XRRA1: variants seen among roughly 807,000 people sequenced by gnomAD.
XRRA1 encodes X-ray radiation resistance associated 1, also known as X-ray radiation resistance-associated protein 1.
XRRA1 carries 69 observed loss-of-function variants against 80.2 expected under a neutral mutation model. The ratio of observed to expected loss-of-function variants is 0.86; its 90% confidence interval spans 0.71 to 1.05. The LOEUF is 1.05. Among genes scored for constraint, XRRA1 ranks in the 50% least tolerant of loss-of-function variants. The pLI is 0.00. For synonymous variants in XRRA1, 348 were observed against 389.9 expected, an observed-to-expected ratio of 0.89 and a Z score of 1.27; for missense variants, 967 against 976.4, an observed-to-expected ratio of 0.99 and a Z score of 0.13.
At chr11:74,843,682 T>TA (rs1247694030) in intron 18 of XRRA1, 172 bp downstream of exon 18, 56 of 801,902 alleles carry the variant, frequency 7.0e-5, no homozygotes, top group Middle Eastern at 3.7e-4. Flanking sequence ...TGTGTGATTT[T>TA]AGGCAACTCC....
chr11:74,927,330 CTA>C, intron 7 of XRRA1, 59 bp downstream of exon 7: 2 of 821,700 alleles, frequency 2.4e-6, no homozygotes, highest in Non-Finnish European at 3.8e-6. Flanking sequence ...CAGTAAAGCT[CTA>C]TGCTCATTCC....
intron 10 of XRRA1, among the ~76,000 whole-genome samples, chr11:74,890,000 A>G (rs1430949820): frequency 1.3e-5 from 2 of 152,348 alleles, no homozygotes; most frequent in East Asian, 3.9e-4. Flanking sequence ...AATGAGACAG[A>G]AAGTTAACAA....
intron 10 of XRRA1, among the ~76,000 whole-genome samples, chr11:74,878,678 A>G (rs1382485079): frequency 1.3e-5 from 2 of 148,574 alleles, no homozygotes; most frequent in East Asian, 4.0e-4. Flanking sequence ...AGCTTTCTAC[A>G]TATGGCTAGC....
chr11:74,880,675 T>C (rs1212702119), intron 10 of XRRA1, among the ~76,000 whole-genome samples: 1 of 151,416 alleles, frequency 6.6e-6, no homozygotes, highest in African/African-American at 2.4e-5. Context: ...TTGTTCTCGT[T>C]GGTTTCAAAG....
intron 5 of XRRA1, 133 bp from the exon 6 acceptor site, chr11:74,930,505 G>A: frequency 1.5e-6 from 1 of 675,168 alleles, no homozygotes; most frequent in South Asian, 1.9e-5. Flanking sequence ...CCTAGCACAG[G>A]AGCAGACACT....
chr11:74,934,389 T>A (rs1440289083), intron 4 of XRRA1, among the ~76,000 whole-genome samples: 1 of 152,236 alleles, frequency 6.6e-6, no homozygotes, highest in East Asian at 1.9e-4. Flanking sequence ...CCACCATGTT[T>A]AGGCACTGAA....
rs774583553 is a variant in XRRA1 at position 74,906,467 on chromosome 11, G to A, written c.786-11C>T. Reference sequence around the variant, plus strand: ...CTTAACTTCTTCAGTCTTCAATTAAGGAAAGTGAATATAGAATCATAGCAA... The same window carrying A: ...CTTAACTTCTTCAGTCTTCAATTAAAGAAAGTGAATATAGAATCATAGCAA... On this transcript the variant is annotated splice_polypyrimidine_tract_variant and intron_variant, in intron 9 of 18. Coordinates refer to ENST00000684022, the MANE Select transcript of XRRA1 (RefSeq NM_001378157.1). The A allele has an allele frequency of 6.2e-7, 1 of 1,613,000 alleles. No homozygotes were observed. Among genetic ancestry groups the A allele is most frequent in the South Asian group, 1.1e-5 (1 of 90,958 alleles).
At chr11:74,848,879 G>A (rs1177897098) in intron 14 of XRRA1, among the ~76,000 whole-genome samples, 1 of 152,200 alleles carries the variant, frequency 6.6e-6, no homozygotes, top group Non-Finnish European at 1.5e-5. Flanking sequence ...GGTGCCTATG[G>A]CTTTCCCCAG....
At chr11:74,898,032 C>A (rs1335421307) in intron 10 of XRRA1, among the ~76,000 whole-genome samples, 1 of 151,916 alleles carries the variant, frequency 6.6e-6, no homozygotes, top group South Asian at 2.1e-4. Context: ...AATGATGAAC[C>A]AATAAAAAAT....
chr11:74,921,731 A>G (rs1373118753), intron 7 of XRRA1, among the ~76,000 whole-genome samples: 1 of 152,184 alleles, frequency 6.6e-6, no homozygotes, highest in Non-Finnish European at 1.5e-5. Context: ...AGACAGATGG[A>G]ATCTCTACCT....
intron 8 of XRRA1, among the ~76,000 whole-genome samples, chr11:74,918,037 T>C (rs926328288): frequency 6.6e-6 from 1 of 151,080 alleles, no homozygotes; most frequent in African/African-American, 2.4e-5. Context: ...AGAAGTTCCA[T>C]GTCTTTTAGT....
chr11:74,936,965 A>G lies in XRRA1; in HGVS notation c.198T>C (p.Ser66=). 1 of 1,613,836 alleles carries G rather than the reference A, an allele frequency of 6.2e-7. No individual in the cohort carries two copies. The highest frequency in any genetic ancestry group is 8.5e-7 in the Non-Finnish European group (1 of 1,179,858). ...ACTCTTTCTTCCCCTTGAACTCAAA[A>G]GAAGTCGCCTTCAGGCTTTCCCGAC... ...AERRESLKAT[S]FEFKGKKESR... Residue 66 remains serine (S), a synonymous_variant, in exon 4 of 19, where the codon TCT becomes TCC. Coordinates refer to ENST00000684022, the MANE Select transcript of XRRA1 (RefSeq NM_001378157.1).
chr11:74,878,586 T>C (rs1270750785), intron 10 of XRRA1, among the ~76,000 whole-genome samples: 54 of 152,044 alleles, frequency 3.6e-4, no homozygotes, highest in African/African-American at 1.1e-3. Context: ...CTAGGGTTTT[T>C]ATGGTTTTAG....
intron 3 of XRRA1, among the ~76,000 whole-genome samples, 158 bp from the exon 4 acceptor site, chr11:74,937,226 C>G (rs145784580): frequency 1.9e-3 from 283 of 152,190 alleles, no homozygotes; most frequent in African/African-American, 6.6e-3. Flanking sequence ...AGATATCTAC[C>G]TATCTATGTC....
intron 7 of XRRA1, among the ~76,000 whole-genome samples, chr11:74,926,165 G>C (rs1413055697): frequency 6.6e-6 from 1 of 152,166 alleles, no homozygotes; most frequent in Non-Finnish European, 1.5e-5. Context: ...TATGACTTGA[G>C]ACCATGGAGA....
intron 4 of XRRA1, among the ~76,000 whole-genome samples, chr11:74,934,649 G>A (rs1944483585): frequency 6.6e-6 from 1 of 152,084 alleles, no homozygotes; most frequent in Non-Finnish European, 1.5e-5. Flanking sequence ...TGGGTAGTAG[G>A]GATTATGAAG....
chr11:74,843,290 C>G lies in XRRA1; in HGVS notation c.2313G>C (p.Ala771=), dbSNP rs370338801. 1.9e-6 allele frequency: 3 copies of G among 1,594,038 alleles called. No individual in the cohort carries two copies. Among genetic ancestry groups the G allele is most frequent in the Non-Finnish European group, 2.6e-6 (3 of 1,170,644 alleles). The change falls in exon 19 of 19, where the codon GCG becomes GCC. Residue 771 remains alanine (A), a synonymous_variant. Transcript: ENST00000684022. ...CGAACTTGGGCTGGCTCTCACTCAG[C>G]GCTGGGCAGGCCATGGGGAGCGGGG... ...GTTPLPMACP[A]LSESQPKFGH... is the part of the protein sequence containing the mutation.
At position 74,867,917 on chromosome 11, in the gene XRRA1, C is replaced by CTTTTTTTTT. The variant is rs60520990; in HGVS notation, c.1004-4905_1004-4897dup. Among the ~76,000 whole-genome samples the CTTTTTTTTT allele has an allele frequency of 7.5e-5, 8 of 106,744 alleles. 1 individual carries two copies. The highest frequency in any genetic ancestry group is 3.2e-4 in the South Asian group (1 of 3,082). 70.0% of individuals were successfully genotyped at this position (106,744 alleles called of 152,430 possible). A position where few individuals can be genotyped will look rare whatever the true frequency, so the allele number is the denominator to read the frequency against. On this transcript the variant is annotated intron_variant, in intron 10 of 18. Transcript: ENST00000684022. ...AGGAGAATGGGGGCCTATAGTCAAT[C>CTTTTTTTTT]TTTTTTTTTTTTTTTTTTTCTGAGA... is the stretch of plus-strand genomic sequence containing the variant.
At chr11:74,927,511 G>A in intron 6 of XRRA1, 23 bp from the exon 7 acceptor site, 2 of 1,483,492 alleles carry the variant, frequency 1.3e-6, no homozygotes, top group South Asian at 1.1e-5. Flanking sequence ...GAGAAAGAGA[G>A]AGTCTGCAGC....
Sources: allele counts gnomAD v4.1 joint callset (sites outside exome capture counted in the v4.1 genomes callset), GRCh38; gene constraint gnomAD v4.1.1; transcripts MANE v1.5; gene names NCBI Gene and HGNC (gene_info 2026-07-23, HGNC 2026-07-21).